The following NTRK2 variants were observed in gnomAD, a reference collection of about 807,000 sequenced individuals.
NTRK2 encodes the protein neurotrophic receptor tyrosine kinase 2.
In NTRK2, 13 loss-of-function variants were observed where a neutral mutation model predicts 94.5. The ratio of observed to expected loss-of-function variants is 0.14; its 90% CI spans 0.09 to 0.22. NTRK2 has a LOEUF of 0.22. NTRK2 is among the 10% of genes least tolerant of loss of function. The pLI is 1.00. For missense variants in NTRK2, 639 were observed against 1,071.2 expected (o/e 0.60, Z 5.63); for synonymous variants, 372 against 407.4 (o/e 0.91, Z 1.05).
intron 14 of NTRK2, among the ~76,000 whole-genome samples, chr9:84,914,845 C>A (rs767216601): frequency 7.2e-5 from 11 of 152,152 alleles, no homozygotes; most frequent in Non-Finnish European, 1.6e-4. Flanking sequence ...TCCAAAGTCT[C>A]CAGGTAGTCT....
intron 14 of NTRK2, among the ~76,000 whole-genome samples, chr9:84,889,136 GCC>G: frequency 6.7e-6 from 1 of 149,130 alleles, no homozygotes; most frequent in African/African-American, 2.5e-5. Flanking sequence ...GACTACAGGC[GCC>G]CGCTACCACG....
chr9:84,770,746 T>A (rs1269744746), intron 12 of NTRK2, among the ~76,000 whole-genome samples: 1 of 152,192 alleles, frequency 6.6e-6, no homozygotes, highest in Non-Finnish European at 1.5e-5. Flanking sequence ...CCTTGACATA[T>A]TTTTTTCCAC....
intron 6 of NTRK2, 92 bp downstream of exon 6, chr9:84,710,883 T>C: frequency 8.1e-7 from 1 of 1,232,172 alleles, no homozygotes; most frequent in Non-Finnish European, 1.2e-6. Context: ...ACTACCTGGA[T>C]TGTATATAGT....
At chr9:84,929,214 A>G (rs1401641843) in intron 14 of NTRK2, among the ~76,000 whole-genome samples, 1 of 152,190 alleles carries the variant, frequency 6.6e-6, no homozygotes, top group Admixed American at 6.5e-5. Context: ...ACAAGCATCT[A>G]TGTCAGCTGC....
chr9:84,683,460 G>A (rs1008484668), intron 2 of NTRK2, among the ~76,000 whole-genome samples: 10 of 152,076 alleles, frequency 6.6e-5, no homozygotes, highest in African/African-American at 1.9e-4. Context: ...CTGTTCCTGT[G>A]TTAGTTTGCT....
intron 17 of NTRK2, among the ~76,000 whole-genome samples, chr9:85,019,031 T>C (rs1484609612): frequency 2.6e-5 from 4 of 152,222 alleles, no homozygotes; most frequent in Non-Finnish European, 4.4e-5. Context: ...GTGCTTTCTT[T>C]GGTGCTAAGA....
At chr9:84,719,429 A>G (rs943411459) in intron 6 of NTRK2, among the ~76,000 whole-genome samples, 6 of 151,954 alleles carry the variant, frequency 3.9e-5, no homozygotes, top group African/African-American at 1.2e-4. Flanking sequence ...CTTGAGTTTG[A>G]AAAAAAACCC....
intron 12 of NTRK2, among the ~76,000 whole-genome samples, chr9:84,789,014 T>C (rs1476771271): frequency 1.3e-5 from 2 of 152,064 alleles, no homozygotes; most frequent in African/African-American, 2.4e-5. Context: ...GAAAAAGCCA[T>C]TGAGAAATTG....
intron 17 of NTRK2, among the ~76,000 whole-genome samples, chr9:84,968,690 C>G (rs1825843503): frequency 6.6e-6 from 1 of 152,204 alleles, no homozygotes; most frequent in Non-Finnish European, 1.5e-5. Flanking sequence ...AACCTTACTT[C>G]TCATCTTAGT....
At chr9:85,009,616 G>C (rs957295554) in intron 17 of NTRK2, among the ~76,000 whole-genome samples, 24 of 152,166 alleles carry the variant, frequency 1.6e-4, no homozygotes, top group African/African-American at 5.6e-4. Flanking sequence ...CTTCAGCTCA[G>C]AGCATGGCAC....
At chr9:84,761,723 T>C (rs1402239482) in intron 12 of NTRK2, among the ~76,000 whole-genome samples, 1 of 152,220 alleles carries the variant, frequency 6.6e-6, no homozygotes, top group Non-Finnish European at 1.5e-5. Flanking sequence ...TAAATATCCC[T>C]GACTATACCT....
chr9:84,701,349 A>G (rs537446574), intron 2 of NTRK2, among the ~76,000 whole-genome samples: 1 of 152,286 alleles, frequency 6.6e-6, no homozygotes, highest in South Asian at 2.1e-4. Flanking sequence ...GGCCTGTGCC[A>G]TCCTTCAGCT....
At chr9:84,826,005 C>T (rs1432301519) in intron 12 of NTRK2, among the ~76,000 whole-genome samples, 1 of 152,282 alleles carries the variant, frequency 6.6e-6, no homozygotes, top group Non-Finnish European at 1.5e-5. Flanking sequence ...TTCTGAGGCA[C>T]GGAAGATCAG....
At chr9:84,808,083 G>A (rs1288501374) in intron 12 of NTRK2, among the ~76,000 whole-genome samples, 1 of 152,134 alleles carries the variant, frequency 6.6e-6, no homozygotes, top group East Asian at 1.9e-4. Context: ...TCTTTGGGAA[G>A]GATGGATCAC....
intron 17 of NTRK2, among the ~76,000 whole-genome samples, chr9:85,003,816 G>A (rs1283861378): frequency 1.3e-5 from 2 of 151,216 alleles, no homozygotes; most frequent in Non-Finnish European, 2.9e-5. Flanking sequence ...TGAAGATGGG[G>A]GGAATGGGGT....
chr9:84,869,243 A>C (rs576953732), intron 14 of NTRK2, among the ~76,000 whole-genome samples: 1 of 152,230 alleles, frequency 6.6e-6, no homozygotes, highest in South Asian at 2.1e-4. Context: ...TGTGTGGCTC[A>C]GTCATTCTGT....
chr9:84,933,664 C>A (rs544207580), intron 14 of NTRK2, among the ~76,000 whole-genome samples: 1 of 152,282 alleles, frequency 6.6e-6, no homozygotes, highest in South Asian at 2.1e-4. Context: ...TGAGGTGAGG[C>A]CAAAACCTTA....
At chr9:84,747,356 T>TA (rs1235328807) in intron 11 of NTRK2, among the ~76,000 whole-genome samples, 8 of 152,194 alleles carry the variant, frequency 5.3e-5, no homozygotes. Flanking sequence ...TTTTAATTCT[T>TA]ATACCAATCC....
intron 14 of NTRK2, among the ~76,000 whole-genome samples, chr9:84,931,133 A>G (rs780665872): frequency 6.6e-6 from 1 of 152,160 alleles, no homozygotes; most frequent in Non-Finnish European, 1.5e-5. Flanking sequence ...TTGGCCAGGC[A>G]CGGTGGCTCA....
Sources: gnomAD v4.1 joint callset for allele counts (sites outside exome capture counted in the v4.1 genomes callset) on GRCh38, gnomAD v4.1.1 for gene constraint, MANE v1.5 for transcripts, NCBI Gene and HGNC (gene_info 2026-07-23, HGNC 2026-07-21) for gene names.